Variants in CLPTM1 observed in about 807,000 individuals in gnomAD.
CLPTM1 encodes the protein CLPTM1 regulator of GABA type A receptor forward trafficking.
In CLPTM1, 21 loss-of-function variants were observed where a neutral mutation model predicts 77.3. The observed-to-expected ratio is 0.27, with a 90% CI of 0.19 to 0.39. CLPTM1 has a LOEUF of 0.39. Ranked by LOEUF, CLPTM1 falls within the 10% of genes least tolerant of loss-of-function variation. The pLI is 1.00. For synonymous variants in CLPTM1, 373 were observed against 381.0 expected, an observed-to-expected ratio of 0.98 and a Z score of 0.24; for missense variants, 642 against 921.2, an observed-to-expected ratio of 0.70 and a Z score of 3.92.
intron 2 of CLPTM1, among the ~76,000 whole-genome samples, chr19:44,968,416 A>T (rs554055783): frequency 1.3e-5 from 2 of 152,190 alleles, no homozygotes; most frequent in Admixed American, 6.6e-5. Context: ...AGTTTTGATT[A>T]TACGTCTTTT....
chr19:44,963,207 C>CAAAAAAAAAAA (rs778157562), intron 2 of CLPTM1, among the ~76,000 whole-genome samples: 1 of 29,060 alleles, frequency 3.4e-5, no homozygotes, highest in Non-Finnish European at 6.0e-5. Flanking sequence ...GACTCCATCT[C>CAAAAAAAAAAA]AAAAAAAAAA....
intron 5 of CLPTM1, among the ~76,000 whole-genome samples, chr19:44,982,498 G>T (rs560283228): frequency 6.6e-6 from 1 of 152,190 alleles, no homozygotes; most frequent in Non-Finnish European, 1.5e-5. Context: ...AGAAAGGGGG[G>T]CTTTTTCCTC....
intron 1 of CLPTM1, among the ~76,000 whole-genome samples, chr19:44,957,066 C>G (rs1460075020): frequency 1.3e-5 from 2 of 152,182 alleles, no homozygotes; most frequent in African/African-American, 4.8e-5. Context: ...TATATGTCTC[C>G]AGACATTGCC....
At chr19:44,962,173 A>G (rs1970554986) in intron 2 of CLPTM1, 98 bp downstream of exon 2, 1 of 628,464 alleles carries the variant, frequency 1.6e-6, no homozygotes. Context: ...GGTGATCATT[A>G]CTGTATGGTA....
rs1161924312 is a variant in CLPTM1 at position 44,991,471 on chromosome 19, C to T, written c.1555+98C>T. ...CAGACCCATCCCCAGACAGGGACAA[C>T]CTAGGGTGGGCAGAGCTGGGATATA... On this transcript the variant is annotated intron_variant, in intron 12 of 13. Transcript: ENST00000337392. This position sits in a 1 kb window ranked among gnomAD's most constrained non-coding sequence, Gnocchi z 5.4. 5 of 1,479,172 alleles carry T rather than the reference C, an allele frequency of 3.4e-6. No homozygotes were observed. Among genetic ancestry groups the T allele is most frequent in the African/African-American group, 1.4e-5 (1 of 72,550 alleles). 91.6% of individuals were successfully genotyped at this position (1,479,172 alleles called of 1,614,324 possible). A position where few individuals can be genotyped will look rare whatever the true frequency, so the allele number is the denominator to read the frequency against.
intron 1 of CLPTM1, among the ~76,000 whole-genome samples, chr19:44,959,502 G>T (rs1407093900): frequency 6.6e-6 from 1 of 151,430 alleles, no homozygotes; most frequent in East Asian, 2.0e-4. Flanking sequence ...CCACAGGCAT[G>T]CACTACCACA....
chr19:44,955,376 C>CGGGGGGGGGGCGGGGGGGGGGGGG, upstream of CLPTM1: 15 of 631,142 alleles, frequency 2.4e-5, no homozygotes, highest in Non-Finnish European at 3.1e-5. Flanking sequence ...GCGGCGGGGG[C>CGGGGGGGGGGCGGGGGGGGGGGGG]GGGGACCCGG....
chr19:44,967,800 T>TA (rs1286719559), intron 2 of CLPTM1, among the ~76,000 whole-genome samples: 1 of 152,156 alleles, frequency 6.6e-6, no homozygotes, highest in Non-Finnish European at 1.5e-5. Context: ...CCCACTCTGT[T>TA]AAGTTGCAAA....
intron 1 of CLPTM1, among the ~76,000 whole-genome samples, chr19:44,960,903 T>C (rs936824167): frequency 2.6e-5 from 4 of 152,050 alleles, no homozygotes; most frequent in Admixed American, 2.6e-4. Context: ...AGGGGACAGC[T>C]GGGAGGAGGG....
Position 44,955,448 on chromosome 19 carries a change from G to C in CLPTM1, c.53G>C (p.Gly18Ala), listed in dbSNP as rs980948842. 28 of 1,334,716 alleles carry C rather than the reference G, an allele frequency of 2.1e-5. No individual in the cohort carries two copies. Among genetic ancestry groups the C allele is most frequent in the Non-Finnish European group, 2.6e-5 (27 of 1,045,382 alleles). The allele number at this position is 1,334,716 out of a possible 1,614,324, so 82.7% of individuals were successfully genotyped here. ...GCCCGCAGCGCCGTGGTGGCGGCCG[G>C]GGGAGGCAGCTCCGGTCAGGTACGG... ...DGARSAVVAA[G>A]GGSSGQVTSN... is the part of the protein sequence containing the mutation. The change falls in exon 1 of 14, where the codon GGG becomes GCG. Residue 18 changes from glycine to alanine, a missense_variant. Transcript: ENST00000337392.
intron 9 of CLPTM1, among the ~76,000 whole-genome samples, chr19:44,989,009 G>A (rs755165898): frequency 3.3e-5 from 5 of 152,164 alleles, no homozygotes; most frequent in East Asian, 1.9e-4. Context: ...AGCGAGATTC[G>A]TTTCTACACA....
intron 4 of CLPTM1, among the ~76,000 whole-genome samples, chr19:44,976,104 C>T (rs910269789): frequency 6.6e-6 from 1 of 152,176 alleles, no homozygotes; most frequent in Non-Finnish European, 1.5e-5. Flanking sequence ...ATCCTCTCAC[C>T]TCAGCCTCTC....
intron 1 of CLPTM1, among the ~76,000 whole-genome samples, chr19:44,958,737 C>G (rs1345225228): frequency 6.6e-6 from 1 of 152,146 alleles, no homozygotes; most frequent in Non-Finnish European, 1.5e-5. Flanking sequence ...GGCTCCTGGT[C>G]CATTTATGCA....
chr19:44,991,218 C>T lies in CLPTM1; in HGVS notation c.1420-20C>T. On this transcript the variant is annotated intron_variant, in intron 11 of 13. Transcript: ENST00000337392. The surrounding 1 kb of genome is among the most constrained non-coding windows in gnomAD (Gnocchi z 5.4). ...CAGGGCTGAGGAGCTGGCTGACAGC[C>T]CCACCCTGTGGCCCCACAGATGGCA... 2 of 1,613,492 alleles carry T rather than the reference C, an allele frequency of 1.2e-6. No individual in the cohort carries two copies. Among genetic ancestry groups the T allele is most frequent in the Non-Finnish European group, 1.7e-6 (2 of 1,179,718 alleles).
chr19:44,957,014 G>A (rs896828547), intron 1 of CLPTM1, among the ~76,000 whole-genome samples: 3 of 152,180 alleles, frequency 2.0e-5, no homozygotes, highest in Non-Finnish European at 2.9e-5. Flanking sequence ...CTACGCACTA[G>A]ATGTCAGTAG....
intron 2 of CLPTM1, among the ~76,000 whole-genome samples, chr19:44,969,584 C>CA (rs1970686177): frequency 6.6e-6 from 1 of 152,088 alleles, no homozygotes; most frequent in Admixed American, 6.6e-5. Flanking sequence ...CCTTTATCCT[C>CA]ATAGCCCAAG....
intron 2 of CLPTM1, among the ~76,000 whole-genome samples, chr19:44,972,555 A>C (rs182991087): frequency 7.2e-5 from 11 of 152,222 alleles, no homozygotes; most frequent in Non-Finnish European, 1.5e-4. Context: ...GTCCTCGTTC[A>C]TTCTATTTTT....
At chr19:44,973,236 T>C in intron 3 of CLPTM1, 26 bp downstream of exon 3, 1 of 1,613,612 alleles carries the variant, frequency 6.2e-7, no homozygotes, top group South Asian at 1.1e-5. Flanking sequence ...TAGGGCAGAC[T>C]TGGGAGGTGA....
chr19:44,959,934 C>T (rs1244469870), intron 1 of CLPTM1, among the ~76,000 whole-genome samples: 1 of 152,200 alleles, frequency 6.6e-6, no homozygotes, highest in Admixed American at 6.5e-5. Flanking sequence ...GATTGCCCAT[C>T]ACTAACGGGT....
Sources: gnomAD v4.1 joint callset for allele counts (sites outside exome capture counted in the v4.1 genomes callset) on GRCh38, gnomAD v4.1.1 for gene constraint, Gnocchi (gnomAD v3.1) non-coding constraint, MANE v1.5 for transcripts, NCBI Gene and HGNC (gene_info 2026-07-23, HGNC 2026-07-21) for gene names.